Variants in MCTP1 observed in about 807,000 individuals in gnomAD.
MCTP1 encodes the protein multiple C2 and transmembrane domain-containing protein 1.
Under a neutral mutation model 120.6 loss-of-function variants are expected in MCTP1, and 69 were observed. The ratio of observed to expected loss-of-function variants is 0.57; its 90% CI spans 0.47 to 0.70. MCTP1 has a LOEUF of 0.70. MCTP1 is among the 30% of genes least tolerant of loss of function. MCTP1 has a pLI of 0.00. For missense variants in MCTP1, 1,203 were observed against 1,248.8 expected, an observed-to-expected ratio of 0.96 and a Z score of 0.55; for synonymous variants, 529 against 493.1, an observed-to-expected ratio of 1.07 and a Z score of -0.96.
chr5:94,990,331 A>G (rs67482451), intron 2 of MCTP1, among the ~76,000 whole-genome samples: 7,483 of 152,292 alleles, frequency 0.049, 290 homozygotes, highest in East Asian at 0.087. Context: ...AGAGTTTTCC[A>G]TTTAGCTGCA....
intron 2 of MCTP1, among the ~76,000 whole-genome samples, chr5:94,978,578 T>G (rs1029505175): frequency 6.6e-6 from 1 of 152,074 alleles, no homozygotes; most frequent in African/African-American, 2.4e-5. Flanking sequence ...CTTGAAGACA[T>G]TATGCTATAT....
chr5:95,140,879 C>CA (rs33910299), intron 1 of MCTP1, among the ~76,000 whole-genome samples: 12,978 of 45,258 alleles, frequency 0.29, 3,265 homozygotes, highest in African/African-American at 0.34. Flanking sequence ...GACTCCGTCT[C>CA]AAAAAAAAAA....
intron 17 of MCTP1, among the ~76,000 whole-genome samples, chr5:94,807,550 C>T (rs916792498): frequency 1.3e-5 from 2 of 152,150 alleles, no homozygotes; most frequent in Non-Finnish European, 2.9e-5. Flanking sequence ...ATTAACCCCA[C>T]CAATTGCCTC....
chr5:94,973,221 T>C (rs190924007), intron 2 of MCTP1, among the ~76,000 whole-genome samples: 3 of 152,310 alleles, frequency 2.0e-5, no homozygotes, highest in Non-Finnish European at 1.5e-5. Context: ...ACAAGAGCTA[T>C]TTGATTCTAG....
intron 1 of MCTP1, chr5:95,166,247 A>G (rs1017777985): frequency 6.6e-6 from 1 of 152,094 alleles, no homozygotes; most frequent in African/African-American, 2.4e-5. Flanking sequence ...TTTTCTCTAT[A>G]CCACTCAAAG....
At chr5:95,136,911 A>T (rs924753121) in intron 1 of MCTP1, among the ~76,000 whole-genome samples, 5 of 152,234 alleles carry the variant, frequency 3.3e-5, no homozygotes, top group Non-Finnish European at 7.3e-5. Flanking sequence ...CTATTTCCTG[A>T]TCAATTTCAT....
rs1268098053 is a variant in MCTP1 at position 94,916,132 on chromosome 5, G to T, written c.1350+1764C>A. Among the ~76,000 whole-genome samples, 4 of 152,260 alleles carry T rather than the reference G, an allele frequency of 2.6e-5. No homozygotes were observed. In the East Asian group the frequency reaches 7.7e-4, roughly 29 times the overall value. On this transcript the variant is annotated intron_variant, in intron 8 of 22. Coordinates refer to ENST00000515393, the MANE Select transcript of MCTP1 (RefSeq NM_024717.7). The stretch of plus-strand genomic sequence containing the variant: ...TACAAAGAAACTCCATAATTCAATT[G>T]TAGATTTTATTGAGCAACTGCATAG...
chr5:94,819,234 T>C (rs901537881), intron 17 of MCTP1, among the ~76,000 whole-genome samples: 4 of 152,076 alleles, frequency 2.6e-5, no homozygotes, highest in African/African-American at 7.2e-5. Flanking sequence ...GTTCCAGCCA[T>C]TCTTCTGCCT....
At chr5:94,988,256 T>G (rs542731290) in intron 2 of MCTP1, among the ~76,000 whole-genome samples, 31 of 152,328 alleles carry the variant, frequency 2.0e-4, no homozygotes, top group African/African-American at 6.7e-4. Context: ...TAATATTTAT[T>G]CTTTAGGAAG....
intron 1 of MCTP1, among the ~76,000 whole-genome samples, chr5:95,173,023 T>C (rs1747530111): frequency 6.7e-6 from 1 of 150,322 alleles, no homozygotes; most frequent in Non-Finnish European, 1.5e-5. Context: ...TGTTCTGATG[T>C]TTTTTTGTAT....
At chr5:94,718,213 C>A (rs1289312894) in intron 19 of MCTP1, among the ~76,000 whole-genome samples, 1 of 152,150 alleles carries the variant, frequency 6.6e-6, no homozygotes, top group Non-Finnish European at 1.5e-5. Context: ...GACCGCACAT[C>A]TACAACCATC....
At chr5:94,761,039 C>G (rs1278648244) in intron 19 of MCTP1, among the ~76,000 whole-genome samples, 1 of 152,200 alleles carries the variant, frequency 6.6e-6, no homozygotes, top group African/African-American at 2.4e-5. Context: ...GATAAACGCC[C>G]TTGAACAAAT....
intron 17 of MCTP1, among the ~76,000 whole-genome samples, chr5:94,846,886 T>A (rs1231472678): frequency 3.9e-5 from 6 of 151,902 alleles, no homozygotes; most frequent in South Asian, 2.1e-4. Flanking sequence ...GAGCATCCAG[T>A]AGAGTGAACA....
intron 1 of MCTP1, among the ~76,000 whole-genome samples, chr5:95,169,282 G>C (rs184919977): frequency 6.6e-6 from 1 of 152,204 alleles, no homozygotes; most frequent in Non-Finnish European, 1.5e-5. Flanking sequence ...TCGATGTGCT[G>C]CTGGATTCGG....
intron 1 of MCTP1, among the ~76,000 whole-genome samples, chr5:95,074,201 T>G (rs1406852411): frequency 2.0e-5 from 3 of 152,250 alleles, no homozygotes; most frequent in Non-Finnish European, 2.9e-5. Context: ...CCTGGGTACA[T>G]GTAGTTTGAG....
intron 1 of MCTP1, among the ~76,000 whole-genome samples, chr5:95,047,529 A>C (rs1398292257): frequency 6.6e-6 from 1 of 152,140 alleles, no homozygotes; most frequent in Non-Finnish European, 1.5e-5. Flanking sequence ...TTGTTCTTTT[A>C]ATAAAAACTA....
At chr5:95,061,686 C>T (rs914574018) in intron 1 of MCTP1, among the ~76,000 whole-genome samples, 5 of 151,818 alleles carry the variant, frequency 3.3e-5, no homozygotes, top group South Asian at 4.1e-4. Context: ...CCGCCCGCCT[C>T]GGCCTCCCAA....
intron 2 of MCTP1, among the ~76,000 whole-genome samples, chr5:94,980,436 C>A (rs1024441608): frequency 6.6e-6 from 1 of 152,118 alleles, no homozygotes; most frequent in Non-Finnish European, 1.5e-5. Flanking sequence ...AATGTAGAGG[C>A]AGCTTGAATG....
chr5:95,166,458 T>C (rs72779482), intron 1 of MCTP1, among the ~76,000 whole-genome samples: 4,111 of 152,304 alleles, frequency 0.027, 72 homozygotes, highest in Non-Finnish European at 0.044. Context: ...GCTAGATTCT[T>C]ACCGTCTTGT....
Sources: gnomAD v4.1 joint callset for allele counts (sites outside exome capture counted in the v4.1 genomes callset) on GRCh38, gnomAD v4.1.1 for gene constraint, MANE v1.5 for transcripts, NCBI Gene and HGNC (gene_info 2026-07-23, HGNC 2026-07-21) for gene names.